Variants in CHURC1 observed in about 807,000 individuals in gnomAD.
CHURC1 encodes the protein churchill domain containing 1, also known as protein Churchill.
CHURC1 carries 12 observed loss-of-function variants against 15.4 expected under a neutral mutation model. The ratio of observed to expected loss-of-function variants is 0.78; its 90% confidence interval spans 0.50 to 1.27. The LOEUF is 1.27. Among genes scored for constraint, CHURC1 ranks in the 50% most tolerant of loss-of-function variants. The pLI, the probability that CHURC1 is intolerant of heterozygous loss-of-function variation, is 0.00. For missense variants in CHURC1, 132 were observed against 137.8 expected, an observed-to-expected ratio of 0.96 and a Z score of 0.21; for synonymous variants, 42 against 47.5, an observed-to-expected ratio of 0.88 and a Z score of 0.48.
intron 3 of CHURC1, among the ~76,000 whole-genome samples, chr14:64,927,393 ATTC>A (rs1159313745): frequency 6.6e-6 from 1 of 152,152 alleles, no homozygotes; most frequent in African/African-American, 2.4e-5. Context: ...AAACAGTCCT[ATTC>A]TTTTATGGGA....
At chr14:64,931,728 A>G (rs950587598) in intron 3 of CHURC1, among the ~76,000 whole-genome samples, 9 of 152,206 alleles carry the variant, frequency 5.9e-5, no homozygotes, top group African/African-American at 2.2e-4. Context: ...CCTAGGGTAG[A>G]TAAAAATAGC....
intron 3 of CHURC1, among the ~76,000 whole-genome samples, chr14:64,928,054 A>G (rs1317091667): frequency 6.6e-6 from 1 of 151,834 alleles, no homozygotes; most frequent in Non-Finnish European, 1.5e-5. Context: ...CTACTCTTTC[A>G]TATGTACACC....
In CHURC1 at chr14:64,934,373, A is replaced by G. The variant is rs1885229930; in HGVS notation, c.*2143A>G. 2.1e-6 allele frequency: 2 copies of G among 949,570 alleles called. No homozygotes were observed. The highest frequency in any genetic ancestry group is 1.2e-4 in the East Asian group (1 of 8,646). The allele number at this position is 949,570 out of a possible 1,614,324, so 58.8% of individuals were successfully genotyped here. A position where few individuals can be genotyped will look rare whatever the true frequency, so the allele number is the denominator to read the frequency against. On this transcript the variant is annotated 3_prime_UTR_variant, in exon 4 of 4. Transcript: ENST00000549115. ...AAAAACAAAAACAAAACAAAACAAC[A>G]ACAAAAAAAGAAGTTAAATAACTTG...
intron 3 of CHURC1, 117 bp from the exon 4 acceptor site, chr14:64,932,021 T>G (rs1451260064): frequency 5.4e-6 from 7 of 1,297,080 alleles, no homozygotes; most frequent in Non-Finnish European, 6.2e-6. Context: ...AAGAAATTGA[T>G]CCAATGTACA....
Position 64,914,643 on chromosome 14 carries a change from C to T in CHURC1, c.39+109C>T, listed in dbSNP as rs955619213. The T allele has an allele frequency of 5.1e-6, 8 of 1,568,132 alleles. No homozygotes were observed. The African/African-American group carries it at 8.1e-5, about 16-fold the overall frequency. ...CGTGGGGCGGACTCGGCCGCACTGC[C>T]GGTCCCGGTGACCCAGTAGCGGTAT... On this transcript the variant is annotated intron_variant, in intron 1 of 3. Coordinates refer to ENST00000549115, the MANE Select transcript of CHURC1 (RefSeq NM_001386928.1).
At chr14:64,917,056 T>G (rs1272637556) in intron 1 of CHURC1, among the ~76,000 whole-genome samples, 1 of 152,092 alleles carries the variant, frequency 6.6e-6, no homozygotes, top group East Asian at 1.9e-4. Flanking sequence ...GGGTAGAGGG[T>G]GTGTAAAGAC....
chr14:64,923,843 T>C, intron 1 of CHURC1, 148 bp from the exon 2 acceptor site: 1 of 579,570 alleles, frequency 1.7e-6, no homozygotes. Flanking sequence ...AAGCTAGTAA[T>C]TTCAAAAATT....
At chr14:64,917,559 G>A (rs748699981) in intron 1 of CHURC1, among the ~76,000 whole-genome samples, 5 of 151,928 alleles carry the variant, frequency 3.3e-5, no homozygotes, top group Admixed American at 6.6e-5. Context: ...GCAAAACTCC[G>A]TCTCAAAACA....
intron 2 of CHURC1, 137 bp from the exon 3 acceptor site, chr14:64,925,873 A>C (rs958926395): frequency 5.7e-6 from 3 of 523,362 alleles, no homozygotes; most frequent in Non-Finnish European, 6.5e-6. Context: ...GGTAGATACT[A>C]TAATGGGTTT....
chr14:64,920,477 G>A (rs1268452326), intron 1 of CHURC1, among the ~76,000 whole-genome samples: 1 of 152,154 alleles, frequency 6.6e-6, no homozygotes, highest in Admixed American at 6.5e-5. Context: ...TAAAAGAACT[G>A]TGCCTCACTG....
chr14:64,920,211 C>T (rs1884178167), intron 1 of CHURC1, among the ~76,000 whole-genome samples: 1 of 152,126 alleles, frequency 6.6e-6, no homozygotes, highest in African/African-American at 2.4e-5. Flanking sequence ...TTACAGTTTT[C>T]AGCCATTTCT....
chr14:64,914,487 T>C lies in CHURC1; in HGVS notation c.-9T>C, dbSNP rs1883715742. On this transcript the variant is annotated 5_prime_UTR_variant, in exon 1 of 4. Coordinates refer to ENST00000549115, the MANE Select transcript of CHURC1 (RefSeq NM_001386928.1). ...GCGTTGGAGGACATTCCCTGTTGAC[T>C]GCGTCGCGATGTGTGGCGACTGTGT... 1.2e-6 allele frequency: 2 copies of C among 1,614,274 alleles called. No individual in the cohort carries two copies. Among genetic ancestry groups the C allele is most frequent in the African/African-American group, 1.3e-5 (1 of 75,078 alleles).
At chr14:64,926,413 T>C (rs1286756672) in intron 3 of CHURC1, among the ~76,000 whole-genome samples, 1 of 152,210 alleles carries the variant, frequency 6.6e-6, no homozygotes, top group Non-Finnish European at 1.5e-5. Context: ...TGTGTAAACC[T>C]GTCTTCACGA....
At chr14:64,920,831 G>A (rs1453732607) in intron 1 of CHURC1, among the ~76,000 whole-genome samples, 1 of 152,136 alleles carries the variant, frequency 6.6e-6, no homozygotes, top group Non-Finnish European at 1.5e-5. Context: ...TAGATTCCAG[G>A]CAGTCCCAAT....
chr14:64,922,687 AC>A (rs1245752891), intron 1 of CHURC1, among the ~76,000 whole-genome samples: 1 of 152,046 alleles, frequency 6.6e-6, no homozygotes, highest in Non-Finnish European at 1.5e-5. Flanking sequence ...AAGGCAGTAC[AC>A]CTATGATTTA....
At chr14:64,925,622 G>A (rs1884623718) in intron 2 of CHURC1, among the ~76,000 whole-genome samples, 2 of 150,186 alleles carry the variant, frequency 1.3e-5, no homozygotes, top group South Asian at 4.3e-4. Context: ...ACTTGAGACT[G>A]GGAGGTTGAA....
At chr14:64,917,088 G>T (rs1170934239) in intron 1 of CHURC1, among the ~76,000 whole-genome samples, 2 of 152,182 alleles carry the variant, frequency 1.3e-5, no homozygotes, top group African/African-American at 4.8e-5. Flanking sequence ...GGGCATTTGA[G>T]GAGCCATGGC....
Position 64,933,462 on chromosome 14 carries a change from C to T in CHURC1, c.*1232C>T. ...AGGAGGTTATAAACTGGCATTTAGG[C>T]CTCTCTGCCATTTAGTAGCAGTATA... On this transcript the variant is annotated 3_prime_UTR_variant, in exon 4 of 4. Coordinates refer to ENST00000549115, the MANE Select transcript of CHURC1 (RefSeq NM_001386928.1). 2 of 985,386 alleles carry T rather than the reference C, an allele frequency of 2.0e-6. No homozygotes were observed. Among genetic ancestry groups the T allele is most frequent in the African/African-American group, 1.7e-5 (1 of 57,356 alleles). 61.0% of individuals were successfully genotyped at this position (985,386 alleles called of 1,614,324 possible). A position where few individuals can be genotyped will look rare whatever the true frequency, so the allele number is the denominator to read the frequency against.
At chr14:64,924,693 C>G (rs1040571016) in intron 2 of CHURC1, among the ~76,000 whole-genome samples, 1 of 152,040 alleles carries the variant, frequency 6.6e-6, no homozygotes, top group African/African-American at 2.4e-5. Flanking sequence ...TCCTATCCTT[C>G]TTCTCGTCCT....
Sources: allele counts gnomAD v4.1 joint callset (sites outside exome capture counted in the v4.1 genomes callset), GRCh38; gene constraint gnomAD v4.1.1; transcripts MANE v1.5; gene names NCBI Gene and HGNC (gene_info 2026-07-23, HGNC 2026-07-21).